Variants in SNX4 observed in about 807,000 individuals in gnomAD.
SNX4 encodes sorting nexin 4.
Under a neutral mutation model 70.8 loss-of-function variants are expected in SNX4, and 49 were observed. That is an observed-to-expected ratio of 0.69 (90% confidence interval 0.55 to 0.88). The LOEUF (loss-of-function observed/expected upper bound fraction) is 0.88. Ranked by LOEUF, SNX4 falls within the 40% of genes least tolerant of loss-of-function variation. The pLI is 0.00. For synonymous variants in SNX4, 206 were observed against 183.8 expected, an observed-to-expected ratio of 1.12 and a Z score of -0.98; for missense variants, 528 against 544.8, an observed-to-expected ratio of 0.97 and a Z score of 0.31.
At chr3:125,500,920 C>T (rs1222432060) in intron 2 of SNX4, among the ~76,000 whole-genome samples, 1 of 144,594 alleles carries the variant, frequency 6.9e-6, no homozygotes, top group Non-Finnish European at 1.5e-5. Flanking sequence ...AGAAACAAAA[C>T]CCTCTCGACA....
chr3:125,453,659 A>C (rs1308774227), intron 12 of SNX4, 151 bp downstream of exon 12: 2 of 698,634 alleles, frequency 2.9e-6, no homozygotes, highest in Non-Finnish European at 4.3e-6. Flanking sequence ...TGATAACTCA[A>C]ATTTCTTAGG....
At chr3:125,454,877 A>G (rs2107840933) in intron 11 of SNX4, among the ~76,000 whole-genome samples, 1 of 152,240 alleles carries the variant, frequency 6.6e-6, no homozygotes, top group South Asian at 2.1e-4. Context: ...TCCTAATAGA[A>G]TTTCTAACAC....
intron 11 of SNX4, among the ~76,000 whole-genome samples, chr3:125,455,702 G>C (rs1485100609): frequency 6.6e-6 from 1 of 152,174 alleles, no homozygotes. Context: ...GGTAATCTCT[G>C]TGAAAAGCAC....
At chr3:125,490,391 G>A (rs1187704414) in intron 5 of SNX4, among the ~76,000 whole-genome samples, 10 of 151,276 alleles carry the variant, frequency 6.6e-5, no homozygotes, top group South Asian at 6.3e-4. Context: ...GCGTGGTGGC[G>A]CGTGCCTGTA....
chr3:125,519,870 T>A (rs887178950), intron 1 of SNX4, among the ~76,000 whole-genome samples, 162 bp downstream of exon 1: 2 of 151,940 alleles, frequency 1.3e-5, no homozygotes, highest in Non-Finnish European at 2.9e-5. Flanking sequence ...CTCCTCTCAC[T>A]GCACCTGCGG....
intron 2 of SNX4, among the ~76,000 whole-genome samples, chr3:125,499,921 G>A (rs1934887128): frequency 6.6e-6 from 1 of 151,994 alleles, no homozygotes; most frequent in Non-Finnish European, 1.5e-5. Context: ...TTATCTGGGC[G>A]TGGTGGCAGG....
chr3:125,453,198 A>C (rs1465197339), intron 12 of SNX4, among the ~76,000 whole-genome samples: 1 of 152,238 alleles, frequency 6.6e-6, no homozygotes, highest in Non-Finnish European at 1.5e-5. Flanking sequence ...TGAAGGGCTT[A>C]AATTTAGCCA....
intron 9 of SNX4, among the ~76,000 whole-genome samples, chr3:125,465,039 C>T (rs916678303): frequency 4.6e-5 from 7 of 151,928 alleles, no homozygotes; most frequent in African/African-American, 1.2e-4. Context: ...GCCACCATGC[C>T]GGGCCTAATT....
Position 125,520,131 on chromosome 3 carries a change from C to G in SNX4, c.42G>C (p.Pro14=). 7.0e-7 allele frequency: 1 copy of G among 1,418,554 alleles called. No homozygotes were observed. The highest frequency in any genetic ancestry group is 9.2e-7 in the Non-Finnish European group (1 of 1,087,294). The allele number at this position is 1,418,554 out of a possible 1,614,324, so 87.9% of individuals were successfully genotyped here. ...APPDPERQLQ[P]APLEPLGSPD... ...GGGAGCCCAGCGGCTCCAAGGGCGC[C>G]GGCTGGAGCTGCCGCTCGGGGTCCG... Residue 14 remains proline (P), a synonymous_variant, in exon 1 of 14, where the codon CCG becomes CCC. Transcript: ENST00000251775.
At chr3:125,515,221 G>T in intron 1 of SNX4, among the ~76,000 whole-genome samples, 1 of 151,986 alleles carries the variant, frequency 6.6e-6, no homozygotes. Context: ...GCGTGGTGGC[G>T]TGTGCCTATA....
chr3:125,453,838 G>C lies in SNX4; in HGVS notation c.1162C>G (p.Gln388Glu). The stretch of plus-strand genomic sequence containing the variant: ...CCTTCCAGATTTTTAGACTTTAGCT[G>C]TTGTTCTCCTTCATTTATTTGTTCT... ...LEEQINEGEQ[Q>E]LKSKNLEGRE... Residue 388 changes from glutamine (Q) to glutamate (E), a missense_variant, in exon 12 of 14, where the codon CAG becomes GAG. Around this residue, in one of 3 missense-constraint regions of SNX4, gnomAD observed 159 missense variants for 172.6 expected, o/e 0.92. Coordinates refer to ENST00000251775, the MANE Select transcript of SNX4 (RefSeq NM_003794.4). 3.1e-6 allele frequency: 5 copies of C among 1,613,958 alleles called. No individual in the cohort carries two copies. The Admixed American group carries it at 5.0e-5, about 16-fold the overall frequency.
chr3:125,504,700 A>T lies in SNX4; in HGVS notation c.186T>A (p.Val62=), dbSNP rs369838109. The T allele has an allele frequency of 1.4e-4, 222 of 1,613,822 alleles. No homozygotes were observed. The highest frequency in any genetic ancestry group is 1.8e-4 in the Non-Finnish European group (208 of 1,179,958). ...NFWLKKIEIS[V]SEAEKRTGRN... is the part of the protein sequence containing the mutation. ...TTCCAGTTCGTTTTTCTGCTTCTGA[A>T]ACACTGATTTCTATCTTCTTCAACC... The change falls in exon 2 of 14, where the codon GTT becomes GTA. Residue 62 remains valine (V), a synonymous_variant. Transcript: ENST00000251775.
At chr3:125,515,664 CAAAAA>C (rs3030895) in intron 1 of SNX4, among the ~76,000 whole-genome samples, 4 of 102,436 alleles carry the variant, frequency 3.9e-5, no homozygotes, top group Non-Finnish European at 6.2e-5. Flanking sequence ...GACTTGGCCT[CAAAAA>C]AAAAAAAAAA....
intron 9 of SNX4, among the ~76,000 whole-genome samples, chr3:125,461,669 T>G (rs1933888210): frequency 6.6e-6 from 1 of 151,946 alleles, no homozygotes; most frequent in African/African-American, 2.4e-5. Context: ...TACTAATTTT[T>G]TTTTTTTTTT....
chr3:125,478,439 CCAT>C (rs1457865874), intron 7 of SNX4, among the ~76,000 whole-genome samples: 4 of 148,788 alleles, frequency 2.7e-5, no homozygotes, highest in Non-Finnish European at 5.9e-5. Context: ...TTAAGTGGTT[CCAT>C]CATCAAGTAA....
intron 2 of SNX4, among the ~76,000 whole-genome samples, chr3:125,502,150 T>C (rs180791386): frequency 8.5e-5 from 13 of 152,340 alleles, no homozygotes; most frequent in African/African-American, 2.9e-4. Flanking sequence ...TAAAGTATTA[T>C]TTTTAAAGTG....
chr3:125,476,049 C>T (rs370306537), intron 8 of SNX4, among the ~76,000 whole-genome samples: 1 of 150,816 alleles, frequency 6.6e-6, no homozygotes, highest in Non-Finnish European at 1.5e-5. Context: ...GGGTGGATCA[C>T]GAGGTCAGGA....
intron 2 of SNX4, among the ~76,000 whole-genome samples, chr3:125,500,456 A>G (rs1021102567): frequency 2.0e-5 from 3 of 152,164 alleles, no homozygotes; most frequent in Non-Finnish European, 4.4e-5. Context: ...CCACTAAACT[A>G]TAACACTATA....
intron 6 of SNX4, among the ~76,000 whole-genome samples, chr3:125,487,570 T>C (rs1269976705): frequency 6.6e-6 from 1 of 152,196 alleles, no homozygotes; most frequent in African/African-American, 2.4e-5. Flanking sequence ...GTCATACACT[T>C]AGCTTACTAA....
Sources: allele counts gnomAD v4.1 joint callset (sites outside exome capture counted in the v4.1 genomes callset), GRCh38; gene constraint gnomAD v4.1.1; regional missense constraint gnomAD v4.1.1; transcripts MANE v1.5; gene names NCBI Gene and HGNC (gene_info 2026-07-23, HGNC 2026-07-21).